The following ARMCX4 variants were observed in gnomAD, a reference collection of about 807,000 sequenced individuals.
ARMCX4 encodes armadillo repeat-containing X-linked protein 4.
In ARMCX4, 3 loss-of-function variants were observed where a neutral mutation model predicts 34.7. The observed-to-expected ratio is 0.09, with a 90% CI of 0.04 to 0.22. The LOEUF is 0.22. Ranked by LOEUF, ARMCX4 falls within the 10% of genes least tolerant of loss-of-function variation. The probability of loss-of-function intolerance (pLI) is 1.00; values close to 1 mark genes in which losing one functional copy is unlikely to be tolerated. For missense variants in ARMCX4, 1,448 were observed against 1,720.8 expected (o/e 0.84, Z 2.81); for synonymous variants, 513 against 632.8 (o/e 0.81, Z 2.84).
intron 2 of ARMCX4, among the ~76,000 whole-genome samples, chrX:101,432,999 T>C (rs6621057): frequency 0.22 from 10,268 of 47,068 alleles, 1,689 homozygotes; most frequent in Non-Finnish European, 0.3. Flanking sequence ...TGTATACATA[T>C]ATGTGTATAT....
intron 2 of ARMCX4, among the ~76,000 whole-genome samples, chrX:101,419,520 A>G (rs1216600753): frequency 8.9e-6 from 1 of 112,287 alleles, no homozygotes; most frequent in Non-Finnish European, 1.9e-5. Context: ...TGGGGATATG[A>G]TCTATTTTGT....
At chrX:101,422,448 A>G (rs1451921885) in intron 2 of ARMCX4, among the ~76,000 whole-genome samples, 1 of 110,207 alleles carries the variant, frequency 9.1e-6, no homozygotes, top group Admixed American at 9.7e-5. Flanking sequence ...TCTGGGTGGG[A>G]TGGCAGAACT....
intron 11 of ARMCX4, among the ~76,000 whole-genome samples, chrX:101,525,698 A>G (rs1025895197): frequency 8.1e-5 from 9 of 111,354 alleles, no homozygotes; most frequent in South Asian, 3.8e-4. Flanking sequence ...AGCCGATTCA[A>G]TCAAGTGGAA....
chrX:101,423,573 C>T (rs914453934), intron 2 of ARMCX4, among the ~76,000 whole-genome samples: 1 of 109,399 alleles, frequency 9.1e-6, no homozygotes, highest in Non-Finnish European at 1.9e-5. Flanking sequence ...GCTGAGATCA[C>T]GCCATTGCAC....
At chrX:101,445,091 T>C (rs1931545082) in intron 3 of ARMCX4, among the ~76,000 whole-genome samples, 2 of 112,274 alleles carry the variant, frequency 1.8e-5, no homozygotes, top group African/African-American at 6.5e-5. Flanking sequence ...AGACATGATG[T>C]ATTTTAACCA....
intron 4 of ARMCX4, among the ~76,000 whole-genome samples, chrX:101,468,052 C>T (rs1210929066): frequency 9.0e-6 from 1 of 111,136 alleles, no homozygotes; most frequent in Non-Finnish European, 1.9e-5. Context: ...CCTATATATT[C>T]TCATATAGAT....
At chrX:101,520,088 A>G (rs1934820628) in intron 11 of ARMCX4, among the ~76,000 whole-genome samples, 1 of 112,157 alleles carries the variant, frequency 8.9e-6, no homozygotes, top group African/African-American at 3.2e-5. Context: ...AGATATATGC[A>G]TGATGCTATT....
intron 4 of ARMCX4, among the ~76,000 whole-genome samples, chrX:101,465,834 AAC>A (rs1932784280): frequency 8.9e-6 from 1 of 112,376 alleles, no homozygotes; most frequent in Non-Finnish European, 1.9e-5. Flanking sequence ...AGGGTGAAAT[AAC>A]ACAGTGTATA....
At chrX:101,469,923 T>G (rs782416819) in intron 4 of ARMCX4, among the ~76,000 whole-genome samples, 4 of 111,774 alleles carry the variant, frequency 3.6e-5, no homozygotes, top group African/African-American at 1.3e-4. Context: ...GAATAACCTG[T>G]CCCTTAATTT....
chrX:101,483,879 T>C (rs1244346678), upstream of ARMCX4, among the ~76,000 whole-genome samples: 3 of 111,540 alleles, frequency 2.7e-5, no homozygotes, highest in Non-Finnish European at 3.8e-5. Context: ...CCCCTCACAG[T>C]GGAGCCCCTC....
chrX:101,433,817 A>C (rs1421283907), intron 2 of ARMCX4, among the ~76,000 whole-genome samples: 2 of 112,055 alleles, frequency 1.8e-5, no homozygotes, highest in East Asian at 5.5e-4. Flanking sequence ...TGCTTTATGC[A>C]CATTTGGACT....
intron 4 of ARMCX4, among the ~76,000 whole-genome samples, chrX:101,470,509 G>A (rs1376054723): frequency 1.8e-5 from 2 of 110,389 alleles, no homozygotes; most frequent in African/African-American, 6.6e-5. Context: ...AGTAGAGATG[G>A]GGTATCACCA....
At position 101,493,810 on chromosome X, in the gene ARMCX4, G is replaced by A; in HGVS notation, c.5221G>A (p.Ala1741Thr). 1 of 1,153,869 alleles carries A rather than the reference G, an allele frequency of 8.7e-7. No homozygotes were observed. Among genetic ancestry groups the A allele is most frequent in the Non-Finnish European group, 1.1e-6 (1 of 872,433 alleles). ...EGFWFGPGAE[A>T]VIGSWCWTEE... is the part of the protein sequence containing the mutation. ...ATTCTGGTTTGGGCCTGGAGCTGAG[G>A]CCGTTATAGGGTCTTGGTGCTGGAC... The change falls in exon 6 of 6, where the codon GCC becomes ACC. Residue 1741 changes from alanine (A) to threonine (T), a missense_variant. Ala to Thr is a moderately conservative substitution (Grantham distance 58). This residue lies in a region of ARMCX4 where 1,343 missense variants were observed against 1,540.7 expected (regional missense o/e 0.87). Transcript: ENST00000423738.
At chrX:101,439,144 G>A (rs1555996015) in intron 2 of ARMCX4, among the ~76,000 whole-genome samples, 2 of 111,860 alleles carry the variant, frequency 1.8e-5, no homozygotes, top group African/African-American at 6.5e-5. Context: ...CTTCCTTCAG[G>A]AGTTCTTTTA....
intron 8 of ARMCX4, among the ~76,000 whole-genome samples, chrX:101,506,329 A>G (rs1556015135): frequency 8.9e-6 from 1 of 112,087 alleles, no homozygotes; most frequent in Non-Finnish European, 1.9e-5. Context: ...ATATTCTTCT[A>G]TTAGTCTACT....
chrX:101,468,680 C>T (rs1932838185), intron 4 of ARMCX4, among the ~76,000 whole-genome samples: 1 of 108,196 alleles, frequency 9.2e-6, no homozygotes, highest in Non-Finnish European at 1.9e-5. Flanking sequence ...GTGGCACGAT[C>T]TCGGCTCACT....
At chrX:101,427,271 T>C (rs1247945631) in intron 2 of ARMCX4, among the ~76,000 whole-genome samples, 1 of 112,352 alleles carries the variant, frequency 8.9e-6, no homozygotes, top group African/African-American at 3.2e-5. Context: ...ACAGAATATC[T>C]GAGACTGTGT....
chrX:101,535,250 A>G (rs781808786), downstream of ARMCX4, among the ~76,000 whole-genome samples: 16 of 111,697 alleles, frequency 1.4e-4, no homozygotes, highest in Non-Finnish European at 2.6e-4. Flanking sequence ...ACCACAGGAC[A>G]AACATAAAGA....
chrX:101,527,089 A>T (rs895541986), intron 11 of ARMCX4, among the ~76,000 whole-genome samples: 3 of 111,862 alleles, frequency 2.7e-5, no homozygotes, highest in South Asian at 7.5e-4. Flanking sequence ...GAAGTAAAGC[A>T]CTCCTCAGCA....
Sources: allele counts gnomAD v4.1 joint callset (sites outside exome capture counted in the v4.1 genomes callset), GRCh38; gene constraint gnomAD v4.1.1; regional missense constraint gnomAD v4.1.1; transcripts MANE v1.5; gene names NCBI Gene and HGNC (gene_info 2026-07-23, HGNC 2026-07-21).